SERINC5: variants seen among roughly 807,000 people sequenced by gnomAD.
The protein encoded by SERINC5 is chromosome 5 open reading frame 12.
SERINC5 carries 41 observed loss-of-function variants against 63.1 expected under a neutral mutation model. That is an observed-to-expected ratio of 0.65 (90% CI 0.51 to 0.84). SERINC5 has a LOEUF of 0.84. Ranked by LOEUF, SERINC5 falls within the 40% of genes least tolerant of loss-of-function variation. SERINC5 has a pLI of 0.00. For missense variants in SERINC5, 523 were observed against 573.0 expected, an observed-to-expected ratio of 0.91 and a Z score of 0.89; for synonymous variants, 222 against 215.2, an observed-to-expected ratio of 1.03 and a Z score of -0.28.
intron 8 of SERINC5, among the ~76,000 whole-genome samples, chr5:80,154,463 G>A (rs1580074507): frequency 6.6e-6 from 1 of 152,116 alleles, no homozygotes; most frequent in East Asian, 1.9e-4. Flanking sequence ...ACAGGCGTGA[G>A]CCATCACGCC....
At chr5:80,236,099 T>C (rs1751675077) in intron 1 of SERINC5, among the ~76,000 whole-genome samples, 1 of 152,112 alleles carries the variant, frequency 6.6e-6, no homozygotes, top group Non-Finnish European at 1.5e-5. Flanking sequence ...GGAGCAAACT[T>C]CAAAGAAAGC....
chr5:80,166,626 C>CTTTA, intron 6 of SERINC5, 148 bp from the exon 7 acceptor site: 1 of 554,670 alleles, frequency 1.8e-6, no homozygotes, highest in East Asian at 3.2e-5. Context: ...TAGTATGTTT[C>CTTTA]TCAGATAAAA....
intron 9 of SERINC5, among the ~76,000 whole-genome samples, chr5:80,148,970 G>A (rs1425359021): frequency 6.6e-6 from 1 of 152,194 alleles, no homozygotes; most frequent in Non-Finnish European, 1.5e-5. Context: ...GTGGGCCCAA[G>A]ACACGGTATG....
intron 1 of SERINC5, among the ~76,000 whole-genome samples, chr5:80,235,523 G>C (rs187517032): frequency 6.6e-6 from 1 of 152,162 alleles, no homozygotes; most frequent in Admixed American, 6.5e-5. Flanking sequence ...AAGAAGAGTA[G>C]GTTTTTCTTT....
At chr5:80,224,005 C>T (rs571790071) in intron 1 of SERINC5, among the ~76,000 whole-genome samples, 56 of 151,098 alleles carry the variant, frequency 3.7e-4, no homozygotes, top group African/African-American at 1.3e-3. Flanking sequence ...TGGTGGCGGG[C>T]GCCTGTAATC....
chr5:80,229,049 T>TGGGGGGG lies in SERINC5; in HGVS notation c.28-25997_28-25996insCCCCCCC, dbSNP rs1561441926. On this transcript the variant is annotated intron_variant, in intron 1 of 11. Transcript: ENST00000507668. ...TTTTTTTTTTTTTTTTTTTTTTTTT[T>TGGGGGGG]TGGGGATGGAGTTGCCTAGGCTGGA... 9.3e-5 allele frequency among the ~76,000 whole-genome samples: 3 copies of TGGGGGGG among 32,336 alleles called. 1 individual carries two copies. Among genetic ancestry groups the TGGGGGGG allele is most frequent in the Non-Finnish European group, 1.8e-4 (3 of 16,720 alleles). The allele number at this position is 32,336 out of a possible 152,430, so 21.2% of individuals were successfully genotyped here. A position where few individuals can be genotyped will look rare whatever the true frequency, so the allele number is the denominator to read the frequency against.
chr5:80,228,515 G>A (rs1751277238), intron 1 of SERINC5, among the ~76,000 whole-genome samples: 1 of 152,030 alleles, frequency 6.6e-6, no homozygotes, highest in South Asian at 2.1e-4. Flanking sequence ...GAGCGCAGTG[G>A]TCCAACCATA....
At chr5:80,224,659 T>A (rs1265340923) in intron 1 of SERINC5, among the ~76,000 whole-genome samples, 11 of 152,066 alleles carry the variant, frequency 7.2e-5, no homozygotes, top group African/African-American at 2.7e-4. Flanking sequence ...GGAATTTCCC[T>A]CTTGTTGCCC....
chr5:80,173,568 C>G (rs1452932090), intron 5 of SERINC5, among the ~76,000 whole-genome samples: 1 of 152,048 alleles, frequency 6.6e-6, no homozygotes, highest in Non-Finnish European at 1.5e-5. Context: ...TGCACTCCAG[C>G]CTGGGCGACA....
At chr5:80,128,077 C>T (rs1744812656) in intron 11 of SERINC5, among the ~76,000 whole-genome samples, 2 of 151,970 alleles carry the variant, frequency 1.3e-5, no homozygotes, top group African/African-American at 4.8e-5. Context: ...CTTTACTTAC[C>T]TTAAAAAGCA....
At chr5:80,150,983 TAACACATTAC>T in intron 8 of SERINC5, 35 bp from the exon 9 acceptor site, 1 of 1,518,790 alleles carries the variant, frequency 6.6e-7, no homozygotes, top group South Asian at 1.1e-5. Flanking sequence ...CTGGGCATAT[TAACACATTAC>T]AACACATGGA....
At chr5:80,151,184 T>C (rs1031199121) in intron 8 of SERINC5, among the ~76,000 whole-genome samples, 1 of 152,202 alleles carries the variant, frequency 6.6e-6, no homozygotes, top group African/African-American at 2.4e-5. Flanking sequence ...GCAAAGAAGG[T>C]TGTAGGTAGA....
intron 4 of SERINC5, among the ~76,000 whole-genome samples, 178 bp downstream of exon 4, chr5:80,177,137 G>A (rs1748086240): frequency 6.6e-6 from 1 of 152,294 alleles, no homozygotes; most frequent in South Asian, 2.1e-4. Flanking sequence ...GGTGAGAAGA[G>A]GGGAGGTAGA....
At chr5:80,211,188 G>A (rs566170622) in intron 1 of SERINC5, among the ~76,000 whole-genome samples, 6 of 152,138 alleles carry the variant, frequency 3.9e-5, no homozygotes, top group South Asian at 2.1e-4. Context: ...GTGGAGCAGC[G>A]GTAAGCTCTT....
chr5:80,189,778 C>G (rs552204681), intron 2 of SERINC5, among the ~76,000 whole-genome samples: 1 of 152,168 alleles, frequency 6.6e-6, no homozygotes, highest in Non-Finnish European at 1.5e-5. Context: ...GTGGCACAAT[C>G]ATAGCTCACT....
chr5:80,200,469 G>C (rs1749764123), intron 2 of SERINC5, among the ~76,000 whole-genome samples: 1 of 149,444 alleles, frequency 6.7e-6, no homozygotes, highest in Non-Finnish European at 1.5e-5. Flanking sequence ...CTGGGCGACA[G>C]AGCAAGACTC....
At chr5:80,221,189 G>C (rs1750886751) in intron 1 of SERINC5, among the ~76,000 whole-genome samples, 1 of 151,920 alleles carries the variant, frequency 6.6e-6, no homozygotes, top group African/African-American at 2.4e-5. Flanking sequence ...GAGCCTGCAG[G>C]GTAAAAATAA....
intron 11 of SERINC5, among the ~76,000 whole-genome samples, chr5:80,132,321 G>A (rs1744980917): frequency 6.6e-6 from 1 of 151,922 alleles, no homozygotes; most frequent in Non-Finnish European, 1.5e-5. Context: ...CTTCTGTAAG[G>A]AACTCCAGGT....
At chr5:80,238,620 C>T (rs112015619) in intron 1 of SERINC5, among the ~76,000 whole-genome samples, 1,866 of 151,946 alleles carry the variant, frequency 0.012, 40 homozygotes, top group African/African-American at 0.042. Context: ...CCGATCTCTA[C>T]TAAAATACAA....
Sources: gnomAD v4.1 joint callset for allele counts (sites outside exome capture counted in the v4.1 genomes callset) on GRCh38, gnomAD v4.1.1 for gene constraint, MANE v1.5 for transcripts, NCBI Gene and HGNC (gene_info 2026-07-23, HGNC 2026-07-21) for gene names.